The following MTA3 variants were observed in gnomAD, a reference collection of about 807,000 sequenced individuals.
The protein encoded by MTA3 is metastasis associated 1 family member 3.
MTA3 carries 34 observed loss-of-function variants against 83.5 expected under a neutral mutation model. The observed-to-expected ratio is 0.41, with a 90% CI of 0.31 to 0.54. The LOEUF (loss-of-function observed/expected upper bound fraction) is 0.54, where lower values mean the gene tolerates loss of function less well. Ranked by LOEUF, MTA3 falls within the 20% of genes least tolerant of loss-of-function variation. The pLI, the probability that MTA3 is intolerant of heterozygous loss-of-function variation, is 0.33. For synonymous variants in MTA3, 303 were observed against 252.7 expected, an observed-to-expected ratio of 1.20 and a Z score of -1.89; for missense variants, 761 against 726.4, an observed-to-expected ratio of 1.05 and a Z score of -0.55.
chr2:42,521,841 G>A lies in MTA3; in HGVS notation c.-141+26587G>A, dbSNP rs147309201. Among the ~76,000 whole-genome samples the A allele has an allele frequency of 5.3e-3, 737 of 139,650 alleles. 5 individuals carry two copies. Among genetic ancestry groups the A allele is most frequent in the African/African-American group, 0.019 (710 of 37,118 alleles). 91.6% of individuals were successfully genotyped at this position (139,650 alleles called of 152,430 possible). The stretch of plus-strand genomic sequence containing the variant: ...ACAGTCTTAGCTCACTGCAGCTTCC[G>A]CCTCCCCGGTTCAAGTGATTCTTCT... On this transcript the variant is annotated intron_variant, in intron 2 of 17. Coordinates refer to the MTA3 transcript ENST00000405592.
intron 2 of MTA3, among the ~76,000 whole-genome samples, chr2:42,552,801 T>C (rs535988414): frequency 1.3e-5 from 2 of 151,538 alleles, no homozygotes; most frequent in African/African-American, 4.8e-5. Context: ...AATACAAAAA[T>C]TAGCCAGGTG....
Position 42,524,575 on chromosome 2 carries a change from C to T in MTA3, c.-141+29321C>T, listed in dbSNP as rs758137645. 4.1e-4 allele frequency among the ~76,000 whole-genome samples: 61 copies of T among 148,096 alleles called. 1 individual carries two copies. Among genetic ancestry groups the T allele is most frequent in the South Asian group, 8.6e-4 (4 of 4,676 alleles). On this transcript the variant is annotated intron_variant, in intron 2 of 17. Coordinates refer to the MTA3 transcript ENST00000405592. ...TCCTGACCTCGTGATCTGCCCATCT[C>T]GGCCTCCCAAAGTGCTGGGATTACA...
chr2:42,633,493 C>A lies in MTA3; in HGVS notation c.318-6680C>A, dbSNP rs540561242. 8.5e-5 allele frequency among the ~76,000 whole-genome samples: 13 copies of A among 152,236 alleles called. No individual in the cohort carries two copies. In the East Asian group the frequency reaches 2.5e-3, roughly 29 times the overall value. On this transcript the variant is annotated intron_variant, in intron 4 of 16. Transcript: ENST00000405094. Reference sequence around the variant, plus strand: ...ACTCAGGAAACTGAGGTGGGAGGATCACTTGAGCCTAGGAGGTGGAGGCTG... The same window carrying A: ...ACTCAGGAAACTGAGGTGGGAGGATAACTTGAGCCTAGGAGGTGGAGGCTG...
chr2:42,721,830 AT>A (rs1482620284), intron 15 of MTA3, among the ~76,000 whole-genome samples: 1 of 152,210 alleles, frequency 6.6e-6, no homozygotes, highest in African/African-American at 2.4e-5. Flanking sequence ...TTTGGTCTAG[AT>A]GGAGCATAGA....
At chr2:42,598,137 A>G (rs1164730130) in intron 3 of MTA3, among the ~76,000 whole-genome samples, 1 of 151,748 alleles carries the variant, frequency 6.6e-6, no homozygotes. Flanking sequence ...CAGTGGCATG[A>G]TCTTGGCTCA....
intron 16 of MTA3, among the ~76,000 whole-genome samples, chr2:42,738,590 C>G (rs1195468736): frequency 1.3e-5 from 2 of 152,174 alleles, no homozygotes; most frequent in African/African-American, 4.8e-5. Flanking sequence ...GAAATCTGAG[C>G]ACCTTGAAAA....
chr2:42,697,737 G>A (rs1325679952), intron 10 of MTA3, 39 bp from the exon 11 acceptor site: 1 of 1,314,578 alleles, frequency 7.6e-7, no homozygotes, highest in Non-Finnish European at 1.0e-6. Flanking sequence ...TAATAATTAG[G>A]CATTGCATGT....
chr2:42,600,618 T>C (rs1682443345), intron 3 of MTA3, among the ~76,000 whole-genome samples: 1 of 152,090 alleles, frequency 6.6e-6, no homozygotes, highest in Non-Finnish European at 1.5e-5. Context: ...CTCCGCTCAC[T>C]GCAACCTCTG....
At chr2:42,553,530 G>C (rs1239745176) in intron 2 of MTA3, among the ~76,000 whole-genome samples, 2 of 151,420 alleles carry the variant, frequency 1.3e-5, no homozygotes, top group Admixed American at 1.3e-4. Context: ...GAGGTCAGGA[G>C]TTCGAAACCA....
At chr2:42,656,423 GTTAGGTAAGAAAGC>G in intron 7 of MTA3, 121 bp downstream of exon 7, 1 of 531,120 alleles carries the variant, frequency 1.9e-6, no homozygotes, top group South Asian at 4.1e-5. Flanking sequence ...TATTTTTTTA[GTTAGGTAAGAAAGC>G]TTAATACGTT....
intron 8 of MTA3, chr2:42,680,171 GC>G (rs1445164416): frequency 1.3e-5 from 2 of 152,860 alleles, no homozygotes; most frequent in Admixed American, 1.3e-4. Flanking sequence ...CCTAAGTGAT[GC>G]TTTAAAAAAA....
At chr2:42,641,570 G>A (rs914070642) in intron 5 of MTA3, among the ~76,000 whole-genome samples, 1 of 151,406 alleles carries the variant, frequency 6.6e-6, no homozygotes, top group African/African-American at 2.4e-5. Context: ...TTTTTCGGCC[G>A]AACGTGGTGG....
intron 2 of MTA3, among the ~76,000 whole-genome samples, chr2:42,514,156 T>G (rs1675028389): frequency 1.3e-5 from 2 of 151,528 alleles, no homozygotes; most frequent in South Asian, 2.1e-4. Flanking sequence ...GAAGTTGGAG[T>G]GAGTCGAGAT....
chr2:42,660,365 G>A (rs910473652), intron 8 of MTA3, among the ~76,000 whole-genome samples: 1 of 152,152 alleles, frequency 6.6e-6, no homozygotes, highest in African/African-American at 2.4e-5. Context: ...GGGATTACAG[G>A]CATGAGCCAC....
intron 2 of MTA3, among the ~76,000 whole-genome samples, chr2:42,499,254 G>A (rs1210388855): frequency 2.0e-5 from 3 of 150,584 alleles, no homozygotes; most frequent in East Asian, 2.0e-4. Flanking sequence ...CGCAACCTCC[G>A]CCTCCCAGGT....
intron 2 of MTA3, among the ~76,000 whole-genome samples, chr2:42,520,535 C>T (rs1177252944): frequency 6.6e-6 from 1 of 152,046 alleles, no homozygotes; most frequent in Non-Finnish European, 1.5e-5. Flanking sequence ...TACCTTTTCC[C>T]ATCTCAGGTC....
At chr2:42,593,068 G>A (rs1681228699) in intron 3 of MTA3, among the ~76,000 whole-genome samples, 3 of 152,064 alleles carry the variant, frequency 2.0e-5, no homozygotes, top group Admixed American at 6.6e-5. Context: ...CAGGAGAATC[G>A]CTTGAACCCA....
At chr2:42,581,392 CA>C (rs1239866449) in intron 3 of MTA3, among the ~76,000 whole-genome samples, 24 of 113,468 alleles carry the variant, frequency 2.1e-4, no homozygotes, top group Non-Finnish European at 1.5e-4. Flanking sequence ...TTTTCGGAGA[CA>C]GGGTCTTGCT....
chr2:42,521,024 T>G (rs1675405271), intron 2 of MTA3, among the ~76,000 whole-genome samples: 1 of 152,196 alleles, frequency 6.6e-6, no homozygotes, highest in Non-Finnish European at 1.5e-5. Flanking sequence ...GGGCTTCCTG[T>G]GGTAGGCAGC....
Sources: gnomAD v4.1 joint callset for allele counts (sites outside exome capture counted in the v4.1 genomes callset) on GRCh38, gnomAD v4.1.1 for gene constraint, MANE v1.5 for transcripts, NCBI Gene and HGNC (gene_info 2026-07-23, HGNC 2026-07-21) for gene names.